The following ANLN variants were observed in gnomAD, a reference collection of about 807,000 sequenced individuals.
The protein encoded by ANLN is anillin, actin binding protein, also known as anillin.
In ANLN, 59 loss-of-function variants were observed where a neutral mutation model predicts 135.1. The ratio of observed to expected loss-of-function variants is 0.44; its 90% CI spans 0.35 to 0.54. The LOEUF is 0.54. ANLN is among the 20% of genes least tolerant of loss of function. The pLI is 0.00. For synonymous variants in ANLN, 406 were observed against 456.4 expected (o/e 0.89, Z 1.41); for missense variants, 1,182 against 1,340.0 (o/e 0.88, Z 1.84).
intron 7 of ANLN, among the ~76,000 whole-genome samples, chr7:36,411,421 CATTT>C (rs1395264965): frequency 6.6e-6 from 1 of 152,168 alleles, no homozygotes; most frequent in African/African-American, 2.4e-5. Context: ...TTTCATCATT[CATTT>C]GATTTCAGAG....
chr7:36,391,113 A>G (rs1050628481), intron 1 of ANLN, among the ~76,000 whole-genome samples: 25 of 152,224 alleles, frequency 1.6e-4, no homozygotes, highest in Middle Eastern at 6.8e-3. Context: ...GACATAATCT[A>G]TTTTTCTGTT....
chr7:36,403,853 G>T (rs1386660578), intron 3 of ANLN, among the ~76,000 whole-genome samples: 1 of 152,142 alleles, frequency 6.6e-6, no homozygotes, highest in Non-Finnish European at 1.5e-5. Flanking sequence ...TTTTTCGTAG[G>T]TTTTGCCGTG....
intron 22 of ANLN, 126 bp from the exon 23 acceptor site, chr7:36,449,539 A>G (rs575860161): frequency 2.0e-5 from 14 of 691,644 alleles, no homozygotes; most frequent in Non-Finnish European, 3.0e-5. Flanking sequence ...AGCCCAGTGT[A>G]ACTAAATTTT....
intron 5 of ANLN, among the ~76,000 whole-genome samples, chr7:36,408,329 G>A (rs1034481696): frequency 4.6e-5 from 7 of 152,192 alleles, no homozygotes; most frequent in Non-Finnish European, 8.8e-5. Context: ...TCTCAATCTT[G>A]AGTATGAAGG....
chr7:36,403,712 G>A (rs1390274422), intron 3 of ANLN: 3 of 151,970 alleles, frequency 2.0e-5, no homozygotes, highest in Non-Finnish European at 4.4e-5. Flanking sequence ...CAGTGGTAAT[G>A]CTCTCAGCTC....
chr7:36,439,231 C>T lies in ANLN; in HGVS notation c.2911C>T (p.His971Tyr). ...KVPFLSSLEG[H>Y]IYLKIKCQVN... ...CCCCTTTTTATCTTCTTTGGAAGGT[C>T]ATATTTATTTAAAAATAAAATGTCA... The change falls in exon 21 of 24, where the codon CAT becomes TAT. Residue 971 changes from histidine to tyrosine, a missense_variant. Coordinates refer to ENST00000265748, the MANE Select transcript of ANLN (RefSeq NM_018685.5). 6.3e-7 allele frequency: 1 copy of T among 1,596,450 alleles called. No individual in the cohort carries two copies.
chr7:36,431,589 GTGTGTGTGTA>G (rs1426478640), intron 20 of ANLN, among the ~76,000 whole-genome samples: 1 of 22,434 alleles, frequency 4.5e-5, no homozygotes, highest in African/African-American at 8.6e-5. Flanking sequence ...GTGTGTGTGT[GTGTGTGTGTA>G]TATATATATA....
At chr7:36,420,869 T>C in intron 12 of ANLN, 125 bp downstream of exon 12, 1 of 852,642 alleles carries the variant, frequency 1.2e-6, no homozygotes, top group Admixed American at 2.6e-5. Context: ...GTCTGATGCA[T>C]AGAAGCTCAG....
chr7:36,425,293 C>CTTT (rs1221400271), intron 17 of ANLN, among the ~76,000 whole-genome samples: 7 of 123,604 alleles, frequency 5.7e-5, no homozygotes, highest in South Asian at 2.6e-4. Context: ...AGAACTCATT[C>CTTT]TTTTTTTTTT....
chr7:36,448,996 G>A (rs533526206), intron 22 of ANLN: 4 of 152,336 alleles, frequency 2.6e-5, no homozygotes, highest in Admixed American at 1.3e-4. Flanking sequence ...ATCAACAGAG[G>A]TTGTTACTGT....
intron 7 of ANLN, among the ~76,000 whole-genome samples, chr7:36,415,130 A>G (rs553484320): frequency 1.1e-4 from 16 of 152,342 alleles, no homozygotes; most frequent in African/African-American, 3.6e-4. Context: ...AAAGTCTTTA[A>G]ACATACAAAA....
At chr7:36,435,842 C>T (rs184685502) in intron 20 of ANLN, among the ~76,000 whole-genome samples, 2,927 of 119,056 alleles carry the variant, frequency 0.025, 48 homozygotes, top group Middle Eastern at 0.1. Context: ...CACTGCACTC[C>T]AGCCTGGGCG....
At chr7:36,423,994 G>A (rs1787983151) in intron 15 of ANLN, 51 bp downstream of exon 15, 2 of 1,579,086 alleles carry the variant, frequency 1.3e-6, no homozygotes, top group South Asian at 1.2e-5. Flanking sequence ...TTTTTGTAGA[G>A]TTGATACAGT....
intron 20 of ANLN, among the ~76,000 whole-genome samples, chr7:36,430,281 A>G (rs1788260840): frequency 6.6e-6 from 1 of 152,162 alleles, no homozygotes; most frequent in African/African-American, 2.4e-5. Context: ...ACAATCACAG[A>G]GGTTATCTGT....
Position 36,389,879 on chromosome 7 carries a change from C to G in ANLN, c.-148C>G. The stretch of plus-strand genomic sequence containing the variant: ...CAGAGGCCGAGTCCGTCACTGGAAG[C>G]CGAGAGGAGAGGACAGCTGGTTGTG... On this transcript the variant is annotated 5_prime_UTR_variant, in exon 1 of 24. Coordinates refer to ENST00000265748, the MANE Select transcript of ANLN (RefSeq NM_018685.5). 7.0e-7 allele frequency: 1 copy of G among 1,420,622 alleles called. No homozygotes were observed. Among genetic ancestry groups the G allele is most frequent in the Non-Finnish European group, 9.8e-7 (1 of 1,021,574 alleles). The allele number at this position is 1,420,622 out of a possible 1,614,324, so 88.0% of individuals were successfully genotyped here. A position where few individuals can be genotyped will look rare whatever the true frequency, so the allele number is the denominator to read the frequency against.
At chr7:36,409,904 T>C (rs1255546181) in intron 5 of ANLN, among the ~76,000 whole-genome samples, 1 of 152,036 alleles carries the variant, frequency 6.6e-6, no homozygotes, top group Admixed American at 6.6e-5. Context: ...ACTCCTGAGC[T>C]CAAGAGATCC....
At chr7:36,404,978 G>C (rs1787128560) in intron 3 of ANLN, among the ~76,000 whole-genome samples, 1 of 152,204 alleles carries the variant, frequency 6.6e-6, no homozygotes, top group Admixed American at 6.5e-5. Context: ...GTTGACTGCT[G>C]ATAAGGAAAC....
At chr7:36,394,901 A>G (rs1465737470) in intron 1 of ANLN, among the ~76,000 whole-genome samples, 1 of 152,178 alleles carries the variant, frequency 6.6e-6, no homozygotes, top group Non-Finnish European at 1.5e-5. Context: ...TAAAAATAGG[A>G]ACATCAGTTG....
chr7:36,400,344 G>A (rs758844217), intron 3 of ANLN, among the ~76,000 whole-genome samples: 4 of 152,082 alleles, frequency 2.6e-5, no homozygotes, highest in Non-Finnish European at 4.4e-5. Flanking sequence ...TCCAAGCTCA[G>A]TAAAAGCATT....
Sources: allele counts gnomAD v4.1 joint callset (sites outside exome capture counted in the v4.1 genomes callset), GRCh38; gene constraint gnomAD v4.1.1; transcripts MANE v1.5; gene names NCBI Gene and HGNC (gene_info 2026-07-23, HGNC 2026-07-21).